Variants in RABGAP1L observed in about 807,000 individuals in gnomAD.
The protein encoded by RABGAP1L is rab GTPase-activating protein 1-like.
Under a neutral mutation model 137.7 loss-of-function variants are expected in RABGAP1L, and 63 were observed. The ratio of observed to expected loss-of-function variants is 0.46; its 90% confidence interval spans 0.37 to 0.56. The LOEUF (loss-of-function observed/expected upper bound fraction) is 0.56. RABGAP1L is among the 20% of genes least tolerant of loss of function. The pLI is 0.00. For missense variants in RABGAP1L, 1,095 were observed against 1,244.0 expected (o/e 0.88, Z 1.80); for synonymous variants, 431 against 433.7 (o/e 0.99, Z 0.08).
chr1:174,485,679 G>A (rs956724088), intron 13 of RABGAP1L, among the ~76,000 whole-genome samples: 3 of 152,166 alleles, frequency 2.0e-5, no homozygotes, highest in Non-Finnish European at 4.4e-5. Flanking sequence ...TTGCATTCCA[G>A]GGATAAATCC....
chr1:174,206,738 T>A (rs1273096019), intron 1 of RABGAP1L, among the ~76,000 whole-genome samples: 2 of 152,186 alleles, frequency 1.3e-5, no homozygotes, highest in Non-Finnish European at 2.9e-5. Context: ...TTCGAATATG[T>A]TACGTTATTT....
At chr1:174,275,351 CTAAAT>C (rs924683388) in intron 8 of RABGAP1L, among the ~76,000 whole-genome samples, 4 of 152,000 alleles carry the variant, frequency 2.6e-5, no homozygotes, top group African/African-American at 7.2e-5. Flanking sequence ...TTGCTACAAA[CTAAAT>C]TAATATTTTA....
At chr1:174,318,763 T>C (rs1221464541) in intron 11 of RABGAP1L, among the ~76,000 whole-genome samples, 3 of 151,986 alleles carry the variant, frequency 2.0e-5, no homozygotes, top group African/African-American at 7.2e-5. Flanking sequence ...TGCTATACTT[T>C]TGCATTGTGA....
Position 174,419,309 on chromosome 1 carries a change from A to T in RABGAP1L, c.1710+25164A>T, listed in dbSNP as rs1452253622. Among the ~76,000 whole-genome samples the T allele has an allele frequency of 2.6e-5, 4 of 152,190 alleles. No homozygotes were observed. The East Asian group carries it at 7.7e-4, about 29-fold the overall frequency. ...ATAGAGCTTGGGATTCTCATTTCGA[A>T]CAAGCTATCAGGCAATGTCAACACT... On this transcript the variant is annotated intron_variant, in intron 13 of 25. Transcript: ENST00000681986.
At chr1:174,930,074 C>A (rs1663529580) in intron 19 of RABGAP1L, among the ~76,000 whole-genome samples, 1 of 150,554 alleles carries the variant, frequency 6.6e-6, no homozygotes, top group East Asian at 2.0e-4. Flanking sequence ...GTCTCAAACT[C>A]CTGGGCTCAT....
At chr1:174,441,586 TAGTC>T (rs1175952897) in intron 13 of RABGAP1L, among the ~76,000 whole-genome samples, 1 of 151,732 alleles carries the variant, frequency 6.6e-6, no homozygotes, top group Non-Finnish European at 1.5e-5. Flanking sequence ...AATACAAAAT[TAGTC>T]AGGCGTGGTG....
chr1:174,627,168 A>G (rs1317638113), intron 13 of RABGAP1L, among the ~76,000 whole-genome samples: 2 of 152,216 alleles, frequency 1.3e-5, no homozygotes, highest in African/African-American at 4.8e-5. Flanking sequence ...ACAGTTTTTA[A>G]AATGTGGCAA....
At chr1:174,405,211 C>T (rs959476728) in intron 13 of RABGAP1L, among the ~76,000 whole-genome samples, 4 of 152,122 alleles carry the variant, frequency 2.6e-5, no homozygotes, top group African/African-American at 9.7e-5. Context: ...TCTGCTACAT[C>T]GTTTTTTATT....
chr1:174,834,944 C>T (rs1692584214), intron 19 of RABGAP1L, among the ~76,000 whole-genome samples: 1 of 151,988 alleles, frequency 6.6e-6, no homozygotes, highest in Non-Finnish European at 1.5e-5. Context: ...TGAATTGTAT[C>T]CTGCAAATCT....
At chr1:174,944,086 C>G (rs957387024) in intron 19 of RABGAP1L, among the ~76,000 whole-genome samples, 2 of 152,020 alleles carry the variant, frequency 1.3e-5, no homozygotes, top group African/African-American at 4.8e-5. Context: ...GCCTGGCCAA[C>G]ATGGCGAAAC....
chr1:174,265,025 A>G (rs1673933979), intron 7 of RABGAP1L, among the ~76,000 whole-genome samples: 1 of 152,220 alleles, frequency 6.6e-6, no homozygotes, highest in African/African-American at 2.4e-5. Flanking sequence ...ATGAGTGATA[A>G]TCAGGAATCA....
chr1:174,586,857 A>G lies in RABGAP1L; in HGVS notation c.1711-50518A>G, dbSNP rs149476577. Among the ~76,000 whole-genome samples the G allele has an allele frequency of 7.8e-4, 118 of 152,248 alleles. 3 individuals carry two copies. The South Asian group carries it at 0.012, about 15-fold the overall frequency. On this transcript the variant is annotated intron_variant, in intron 13 of 25. Transcript: ENST00000681986. Reference sequence around the variant, plus strand: ...GTGATCCATCTGCTTTGGCCCCCCAAAGTGCTGGGATTACAGGTGTGAGCC... The same window carrying G: ...GTGATCCATCTGCTTTGGCCCCCCAGAGTGCTGGGATTACAGGTGTGAGCC...
At chr1:174,895,610 G>A (rs1043287134) in intron 19 of RABGAP1L, among the ~76,000 whole-genome samples, 11 of 146,076 alleles carry the variant, frequency 7.5e-5, no homozygotes, top group African/African-American at 2.3e-4. Context: ...ACCCCATGAC[G>A]GGCCCCAGTA....
At position 174,327,984 on chromosome 1, in the gene RABGAP1L, CACATATATATATATATATAT is replaced by C. The variant is rs1236812559; in HGVS notation, c.1465+22859_1465+22878del. Among the ~76,000 whole-genome samples the C allele has an allele frequency of 5.1e-3, 194 of 37,864 alleles. 7 individuals are homozygous for C. The highest frequency in any genetic ancestry group is 0.019 in the African/African-American group (170 of 9,178). 24.8% of individuals were successfully genotyped at this position (37,864 alleles called of 152,430 possible). ...ATATATATATATATATATATACACA[CACATATATATATATATATAT>C]ATATATATATATATATATATACCCA... On this transcript the variant is annotated intron_variant, in intron 11 of 25. Coordinates refer to ENST00000681986, the MANE Select transcript of RABGAP1L (RefSeq NM_001366446.1).
At chr1:174,577,042 G>A (rs1668419511) in intron 13 of RABGAP1L, among the ~76,000 whole-genome samples, 1 of 152,012 alleles carries the variant, frequency 6.6e-6, no homozygotes, top group Non-Finnish European at 1.5e-5. Context: ...AACTAGCTGG[G>A]CATTGTGGCA....
intron 13 of RABGAP1L, among the ~76,000 whole-genome samples, chr1:174,435,783 C>T (rs990607719): frequency 1.6e-4 from 24 of 150,932 alleles, no homozygotes; most frequent in African/African-American, 7.4e-5. Context: ...TTAGGTACAT[C>T]TCCTAATGCT....
At chr1:174,753,244 T>A (rs1318385295) in intron 18 of RABGAP1L, among the ~76,000 whole-genome samples, 1 of 152,224 alleles carries the variant, frequency 6.6e-6, no homozygotes, top group Non-Finnish European at 1.5e-5. Context: ...CTAGTAAAGT[T>A]AGCTGTCATT....
intron 19 of RABGAP1L, among the ~76,000 whole-genome samples, chr1:174,865,229 C>G (rs1000987038): frequency 2.0e-5 from 3 of 152,182 alleles, no homozygotes; most frequent in African/African-American, 7.2e-5. Context: ...GTAATCCCAG[C>G]TACTTGGGAG....
At chr1:174,793,885 C>T (rs1248713875) in intron 18 of RABGAP1L, among the ~76,000 whole-genome samples, 5 of 152,038 alleles carry the variant, frequency 3.3e-5, no homozygotes, top group Non-Finnish European at 7.4e-5. Context: ...TTAGTAGAGA[C>T]AGGTTTATGA....
Sources: allele counts gnomAD v4.1 joint callset (sites outside exome capture counted in the v4.1 genomes callset), GRCh38; gene constraint gnomAD v4.1.1; transcripts MANE v1.5; gene names NCBI Gene and HGNC (gene_info 2026-07-23, HGNC 2026-07-21).